DOCK4: variants seen among roughly 807,000 people sequenced by gnomAD.
DOCK4 encodes the protein dedicator of cytokinesis protein 4.
DOCK4 carries 97 observed loss-of-function variants against 268.1 expected under a neutral mutation model. The observed-to-expected ratio is 0.36, with a 90% CI of 0.31 to 0.43. The LOEUF is 0.43. DOCK4 is among the 20% of genes least tolerant of loss of function. The pLI is 1.00. For missense variants in DOCK4, 2,145 were observed against 2,455.7 expected (o/e 0.87, Z 2.67); for synonymous variants, 954 against 887.2 (o/e 1.08, Z -1.34).
intron 6 of DOCK4, among the ~76,000 whole-genome samples, chr7:111,988,556 G>T (rs1586581680): frequency 6.6e-6 from 1 of 152,044 alleles, no homozygotes; most frequent in African/African-American, 2.4e-5. Context: ...ATAATAAAAG[G>T]CCCCACCAGT....
chr7:112,023,565 A>G (rs1802523410), intron 1 of DOCK4: 1 of 416,822 alleles, frequency 2.4e-6, no homozygotes. Context: ...CAGAGACCAG[A>G]GATTTTAGGT....
intron 13 of DOCK4, among the ~76,000 whole-genome samples, chr7:111,910,872 G>C (rs1294824056): frequency 6.6e-6 from 1 of 152,158 alleles, no homozygotes; most frequent in Non-Finnish European, 1.5e-5. Flanking sequence ...GAGTCCAGAG[G>C]ACTTCATGAT....
At chr7:111,958,664 ACT>A (rs1796624840) in intron 8 of DOCK4, among the ~76,000 whole-genome samples, 1 of 152,020 alleles carries the variant, frequency 6.6e-6, no homozygotes, top group South Asian at 2.1e-4. Flanking sequence ...GTTCACACTG[ACT>A]CTATGAGTTT....
chr7:112,197,113 GT>G (rs1820518500), intron 1 of DOCK4, among the ~76,000 whole-genome samples: 2 of 152,056 alleles, frequency 1.3e-5, no homozygotes, highest in African/African-American at 2.4e-5. Flanking sequence ...TATTATTAAT[GT>G]TTGCCTCTTT....
intron 41 of DOCK4, among the ~76,000 whole-genome samples, chr7:111,756,714 C>G (rs1797044643): frequency 6.6e-6 from 1 of 151,640 alleles, no homozygotes; most frequent in South Asian, 2.1e-4. Flanking sequence ...GGATAATACA[C>G]TTTACAAAAT....
In DOCK4 at chr7:111,767,095, C is replaced by G. The variant is rs761817589; in HGVS notation, c.3852G>C (p.Leu1284Phe). ...RGKCWENGII[L>F]CRKIAEQYES... ...CATACTGCTCTGCAATCTTCCGGCA[C>G]AAGATAATGCCATTCTCCCAACACT... The change falls in exon 38 of 53, where the codon TTG becomes TTC. Residue 1284 changes from leucine to phenylalanine, a missense_variant. Leu to Phe is a conservative substitution (Grantham distance 22, BLOSUM62 0). Transcript: ENST00000428084. The G allele has an allele frequency of 1.6e-5, 26 of 1,613,550 alleles. No homozygotes were observed. The highest frequency in any genetic ancestry group is 2.2e-5 in the Non-Finnish European group (26 of 1,179,788).
chr7:111,831,693 C>T (rs1305971373), intron 26 of DOCK4, among the ~76,000 whole-genome samples: 1 of 152,020 alleles, frequency 6.6e-6, no homozygotes, highest in Non-Finnish European at 1.5e-5. Flanking sequence ...TGCCATATTG[C>T]CCAGGCTGGT....
intron 12 of DOCK4, among the ~76,000 whole-genome samples, chr7:111,933,214 A>ATATATACGTATATACACG (rs1562904950): frequency 8.1e-4 from 116 of 143,548 alleles, no homozygotes; most frequent in African/African-American, 2.8e-3. Flanking sequence ...GTATATACAC[A>ATATATACGTATATACACG]TATATACGTA....
At chr7:112,013,150 T>A (rs571793133) in intron 1 of DOCK4, among the ~76,000 whole-genome samples, 1 of 152,208 alleles carries the variant, frequency 6.6e-6, no homozygotes, top group African/African-American at 2.4e-5. Context: ...ATCTTCCTCA[T>A]ACAACTAAGC....
chr7:111,838,607 T>C (rs957401807), intron 25 of DOCK4, among the ~76,000 whole-genome samples: 2 of 152,202 alleles, frequency 1.3e-5, no homozygotes, highest in Admixed American at 6.5e-5. Context: ...AGCTATGTAC[T>C]ACATGATTCC....
chr7:111,939,002 G>C (rs996256939), intron 11 of DOCK4, among the ~76,000 whole-genome samples: 1 of 150,630 alleles, frequency 6.6e-6, no homozygotes, highest in East Asian at 2.0e-4. Flanking sequence ...TTGGGGGGGT[G>C]GGGGATTGGA....
At chr7:112,138,177 A>C (rs548478059) in intron 1 of DOCK4, among the ~76,000 whole-genome samples, 1 of 152,312 alleles carries the variant, frequency 6.6e-6, no homozygotes, top group South Asian at 2.1e-4. Context: ...TTTTACTCTA[A>C]AGACAATGAT....
intron 23 of DOCK4, among the ~76,000 whole-genome samples, chr7:111,854,876 G>A (rs994716790): frequency 1.3e-5 from 2 of 152,176 alleles, no homozygotes; most frequent in East Asian, 1.9e-4. Flanking sequence ...GGAAACAGAC[G>A]TTAATCAATG....
intron 1 of DOCK4, among the ~76,000 whole-genome samples, chr7:112,046,709 C>T (rs1804854093): frequency 6.6e-6 from 1 of 152,126 alleles, no homozygotes; most frequent in Non-Finnish European, 1.5e-5. Flanking sequence ...TTTTTCAAGA[C>T]AGCAGATTTC....
intron 26 of DOCK4, among the ~76,000 whole-genome samples, chr7:111,829,003 G>A (rs1402950879): frequency 2.6e-5 from 4 of 151,670 alleles, no homozygotes; most frequent in Non-Finnish European, 5.9e-5. Context: ...GGGTTAGGAG[G>A]AGAGTAAATA....
chr7:111,917,275 C>G (rs188364220), intron 12 of DOCK4, among the ~76,000 whole-genome samples: 56 of 151,940 alleles, frequency 3.7e-4, no homozygotes, highest in Admixed American at 3.3e-3. Context: ...TGTGAGCCAC[C>G]GCGCCTGGCC....
intron 1 of DOCK4, among the ~76,000 whole-genome samples, chr7:112,046,579 G>A (rs964895606): frequency 2.6e-5 from 4 of 152,178 alleles, no homozygotes; most frequent in Non-Finnish European, 4.4e-5. Flanking sequence ...AGCTACTTGG[G>A]AGGCTGAGGT....
intron 39 of DOCK4, among the ~76,000 whole-genome samples, chr7:111,761,949 A>C (rs1244580129): frequency 6.6e-6 from 1 of 152,188 alleles, no homozygotes; most frequent in Non-Finnish European, 1.5e-5. Flanking sequence ...ATAAAACACA[A>C]TACATCCCTC....
Position 111,741,712 on chromosome 7 carries a change from A to G in DOCK4, c.4798-51T>C, listed in dbSNP as rs185317060. On this transcript the variant is annotated intron_variant, in intron 45 of 52. Coordinates refer to ENST00000428084, the MANE Select transcript of DOCK4 (RefSeq NM_001363540.2). The stretch of plus-strand genomic sequence containing the variant: ...TCATTACAGTAATGATTTGGGCAAA[A>G]TAACTTATGAGACAGGTTAGCATAC... 432 of 1,591,696 alleles carry G rather than the reference A, an allele frequency of 2.7e-4. No individual in the cohort carries two copies. In the African/African-American group the frequency reaches 5.2e-3, roughly 19 times the overall value.
Sources: allele counts gnomAD v4.1 joint callset (sites outside exome capture counted in the v4.1 genomes callset), GRCh38; gene constraint gnomAD v4.1.1; transcripts MANE v1.5; gene names NCBI Gene and HGNC (gene_info 2026-07-23, HGNC 2026-07-21).